Variants in NELL1 observed in about 807,000 individuals in gnomAD.
NELL1 encodes the protein protein kinase C-binding protein NELL1.
A neutral mutation model predicts 107.4 loss-of-function variants in NELL1; 76 were observed. The ratio of observed to expected loss-of-function variants is 0.71; its 90% CI spans 0.59 to 0.86. NELL1 has a LOEUF of 0.86. NELL1 is among the 40% of genes least tolerant of loss of function. NELL1 has a pLI of 0.00. For synonymous variants in NELL1, 353 were observed against 341.2 expected (o/e 1.03, Z -0.38); for missense variants, 1,024 against 1,005.5 (o/e 1.02, Z -0.25).
intron 14 of NELL1, among the ~76,000 whole-genome samples, chr11:21,268,238 G>A (rs1006324139): frequency 5.9e-5 from 9 of 152,076 alleles, no homozygotes; most frequent in Non-Finnish European, 1.0e-4. Flanking sequence ...CCATAGGGTC[G>A]GAGGATGGCG....
intron 2 of NELL1, among the ~76,000 whole-genome samples, chr11:20,692,988 T>G (rs1183482809): frequency 5.9e-5 from 9 of 152,280 alleles, no homozygotes; most frequent in Middle Eastern, 3.4e-3. Context: ...GGTGCATATA[T>G]ATTTAGGATA....
At chr11:20,818,680 C>T (rs1165416493) in intron 3 of NELL1, among the ~76,000 whole-genome samples, 1 of 152,108 alleles carries the variant, frequency 6.6e-6, no homozygotes, top group Admixed American at 6.6e-5. Context: ...GTAATTCTAG[C>T]CTGACTTAGG....
chr11:21,478,489 T>C (rs1854405123), intron 15 of NELL1, among the ~76,000 whole-genome samples: 1 of 152,068 alleles, frequency 6.6e-6, no homozygotes, highest in Non-Finnish European at 1.5e-5. Context: ...AAGTCCCTTC[T>C]CCCTGGGAGC....
chr11:21,376,235 G>A (rs930454740), intron 15 of NELL1, among the ~76,000 whole-genome samples: 1 of 152,054 alleles, frequency 6.6e-6, no homozygotes, highest in African/African-American at 2.4e-5. Flanking sequence ...TATGGTGAAA[G>A]GTAGGAGTCC....
Position 21,082,721 on chromosome 11 carries a change from C to T in NELL1, c.1301-30868C>T, listed in dbSNP as rs147490448. 3.1e-3 allele frequency among the ~76,000 whole-genome samples: 469 copies of T among 152,128 alleles called. 5 individuals carry two copies. Among genetic ancestry groups the T allele is most frequent in the African/African-American group, 0.011 (449 of 41,502 alleles). ...ATTTATGTACATGATTCCCCTCCCC[C>T]CAAAAAAACAGTTAATTTTTCCTAC... On this transcript the variant is annotated intron_variant, in intron 12 of 19. Transcript: ENST00000357134.
chr11:21,091,791 T>C (rs1306230535), intron 12 of NELL1, among the ~76,000 whole-genome samples: 2 of 152,166 alleles, frequency 1.3e-5, no homozygotes, highest in African/African-American at 4.8e-5. Context: ...TTGAAGTAGA[T>C]GCATGCACAA....
chr11:20,814,127 T>C (rs34868309), intron 3 of NELL1, among the ~76,000 whole-genome samples: 3,295 of 151,554 alleles, frequency 0.022, 59 homozygotes, highest in South Asian at 0.044. Context: ...TCCCGAGTAG[T>C]TGGGACTACA....
intron 9 of NELL1, among the ~76,000 whole-genome samples, chr11:20,936,720 G>T (rs1184777405): frequency 6.6e-6 from 1 of 152,182 alleles, no homozygotes; most frequent in Non-Finnish European, 1.5e-5. Flanking sequence ...TTACCAGTTA[G>T]CATGTTGCCT....
At chr11:20,715,946 T>G (rs1319733337) in intron 2 of NELL1, among the ~76,000 whole-genome samples, 2 of 152,248 alleles carry the variant, frequency 1.3e-5, no homozygotes, top group Non-Finnish European at 2.9e-5. Context: ...TCATGAATGT[T>G]CTGATTCTAA....
chr11:21,456,356 C>A (rs2133865634), intron 15 of NELL1, among the ~76,000 whole-genome samples: 1 of 151,994 alleles, frequency 6.6e-6, no homozygotes, highest in African/African-American at 2.4e-5. Flanking sequence ...GCCTAATTTC[C>A]TGCTTGGGTT....
intron 14 of NELL1, among the ~76,000 whole-genome samples, chr11:21,262,919 T>C (rs1288262261): frequency 3.3e-5 from 5 of 151,912 alleles, no homozygotes; most frequent in Admixed American, 3.3e-4. Context: ...TTCTGATTTT[T>C]CAATTTTTAT....
chr11:21,506,153 A>G (rs569238028), intron 15 of NELL1, among the ~76,000 whole-genome samples: 4 of 152,312 alleles, frequency 2.6e-5, no homozygotes, highest in South Asian at 2.1e-4. Flanking sequence ...CCAGCATCCA[A>G]TGTGGGTTGT....
chr11:21,015,674 C>T (rs61880791), intron 12 of NELL1, among the ~76,000 whole-genome samples: 71 of 151,210 alleles, frequency 4.7e-4, no homozygotes, highest in African/African-American at 1.6e-3. Context: ...TTTTTTTTCC[C>T]TCCTCTAGTT....
chr11:21,486,261 G>GGACCC (rs1259208985), intron 15 of NELL1, among the ~76,000 whole-genome samples: 4 of 152,050 alleles, frequency 2.6e-5, no homozygotes, highest in Non-Finnish European at 5.9e-5. Context: ...GCCACCACAG[G>GGACCC]GACCCGAAGA....
intron 12 of NELL1, among the ~76,000 whole-genome samples, chr11:21,107,243 T>C (rs936229026): frequency 6.6e-6 from 1 of 152,148 alleles, no homozygotes; most frequent in African/African-American, 2.4e-5. Flanking sequence ...GAATCCACCA[T>C]TACAGTATCA....
chr11:20,978,261 G>A (rs762500170), intron 12 of NELL1, among the ~76,000 whole-genome samples: 3 of 152,060 alleles, frequency 2.0e-5, no homozygotes, highest in Non-Finnish European at 4.4e-5. Flanking sequence ...TGCTGTTGTC[G>A]ACAGCCAGTA....
intron 10 of NELL1, among the ~76,000 whole-genome samples, chr11:20,941,801 C>T (rs901830607): frequency 7.9e-5 from 12 of 151,900 alleles, no homozygotes; most frequent in Non-Finnish European, 1.5e-4. Flanking sequence ...TGGTCATGGG[C>T]GTGGATAGAG....
chr11:20,712,614 AGAGAG>A (rs1855141120), intron 2 of NELL1, among the ~76,000 whole-genome samples: 1 of 152,220 alleles, frequency 6.6e-6, no homozygotes, highest in Non-Finnish European at 1.5e-5. Flanking sequence ...GTAATCCAGT[AGAGAG>A]GTCTGCAACT....
intron 12 of NELL1, among the ~76,000 whole-genome samples, chr11:21,069,605 A>G (rs2134376430): frequency 6.6e-6 from 1 of 152,330 alleles, no homozygotes; most frequent in African/African-American, 2.4e-5. Context: ...TCATCTAATT[A>G]AAGCTACTCT....
Sources: gnomAD v4.1 joint callset for allele counts (sites outside exome capture counted in the v4.1 genomes callset) on GRCh38, gnomAD v4.1.1 for gene constraint, MANE v1.5 for transcripts, NCBI Gene and HGNC (gene_info 2026-07-23, HGNC 2026-07-21) for gene names.